Variants in PRIM2 observed in about 807,000 individuals in gnomAD.
The protein encoded by PRIM2 is DNA primase subunit 2, also known as DNA primase large subunit.
A neutral mutation model predicts 67.3 loss-of-function variants in PRIM2; 39 were observed. That is an observed-to-expected ratio of 0.58 (90% CI 0.45 to 0.76). The LOEUF (loss-of-function observed/expected upper bound fraction) is 0.76. Ranked by LOEUF, PRIM2 falls within the 30% of genes least tolerant of loss-of-function variation. PRIM2 has a pLI of 0.00. For synonymous variants in PRIM2, 143 were observed against 198.7 expected, an observed-to-expected ratio of 0.72 and a Z score of 2.36; for missense variants, 398 against 598.7, an observed-to-expected ratio of 0.66 and a Z score of 3.50.
At chr6:57,307,320 C>T in the PRIM2 span, among the ~76,000 whole-genome samples, 2 of 151,054 alleles carry the variant, frequency 1.3e-5, no homozygotes, top group South Asian at 2.1e-4. Context: ...GTGGCACAAT[C>T]TCGGCTCACT....
At chr6:57,586,246 G>A (rs1281602609) in intron 10 of PRIM2, among the ~76,000 whole-genome samples, 16 of 152,262 alleles carry the variant, frequency 1.1e-4, no homozygotes, top group Admixed American at 2.6e-4. Context: ...ATCATTGAGC[G>A]CTAGCCTGGA....
chr6:57,479,416 C>T (rs1207172523), intron 7 of PRIM2, among the ~76,000 whole-genome samples: 1 of 152,116 alleles, frequency 6.6e-6, no homozygotes, highest in African/African-American at 2.4e-5. Flanking sequence ...GGAAAAGTTA[C>T]AGGTACACTG....
chr6:57,425,030 T>C (rs140880429), intron 7 of PRIM2, among the ~76,000 whole-genome samples: 2 of 152,192 alleles, frequency 1.3e-5, no homozygotes, highest in African/African-American at 4.8e-5. Flanking sequence ...TATACACATA[T>C]ATTTTATCTT....
chr6:57,426,913 T>C (rs1371287900), intron 7 of PRIM2, among the ~76,000 whole-genome samples: 1 of 152,232 alleles, frequency 6.6e-6, no homozygotes, highest in Non-Finnish European at 1.5e-5. Flanking sequence ...AAAGCTATGA[T>C]AGAATCCTAT....
intron 12 of PRIM2, among the ~76,000 whole-genome samples, chr6:57,630,494 G>A (rs1163259954): frequency 4.6e-5 from 7 of 151,160 alleles, no homozygotes; most frequent in Admixed American, 1.3e-4. Context: ...TTTTTTACAC[G>A]TGTGGATTAC....
chr6:57,629,798 C>T, intron 12 of PRIM2, among the ~76,000 whole-genome samples: 1 of 151,544 alleles, frequency 6.6e-6, no homozygotes, highest in Non-Finnish European at 1.5e-5. Flanking sequence ...CCATTTTACT[C>T]AGAGAAAAAG....
At chr6:57,642,492 G>T (rs1188361688) in intron 13 of PRIM2, among the ~76,000 whole-genome samples, 2 of 126,370 alleles carry the variant, frequency 1.6e-5, no homozygotes, top group Non-Finnish European at 3.1e-5. Flanking sequence ...GCCCAGGCTG[G>T]AGTGCAGTGG....
At chr6:57,527,183 G>GA (rs1238845429) in intron 8 of PRIM2, among the ~76,000 whole-genome samples, 1 of 152,016 alleles carries the variant, frequency 6.6e-6, no homozygotes, top group Non-Finnish European at 1.5e-5. Flanking sequence ...TTATTATGAG[G>GA]AAAAAACCAT....
At chr6:57,323,176 T>C (rs1767718579) in intron 3 of PRIM2, among the ~76,000 whole-genome samples, 1 of 152,174 alleles carries the variant, frequency 6.6e-6, no homozygotes, top group African/African-American at 2.4e-5. Flanking sequence ...ATGTTTGTTC[T>C]TATTATTTTG....
intron 12 of PRIM2, among the ~76,000 whole-genome samples, chr6:57,624,444 T>C (rs1472025613): frequency 1.3e-3 from 197 of 152,334 alleles, no homozygotes; most frequent in Non-Finnish European, 1.8e-3. Context: ...CAATAGAGTA[T>C]GATAAGTGCT....
intron 10 of PRIM2, among the ~76,000 whole-genome samples, chr6:57,579,438 G>T (rs1383176964): frequency 1.2e-4 from 19 of 152,162 alleles, no homozygotes; most frequent in Admixed American, 8.5e-4. Flanking sequence ...AAAATTTTAT[G>T]TAATTTTGTT....
At chr6:57,480,302 C>G (rs1282428422) in intron 7 of PRIM2, among the ~76,000 whole-genome samples, 5 of 152,076 alleles carry the variant, frequency 3.3e-5, no homozygotes, top group East Asian at 1.9e-4. Context: ...TATCTTGAAA[C>G]AGTTTTACAT....
chr6:57,241,827 C>T, the PRIM2 span, among the ~76,000 whole-genome samples: 4 of 151,246 alleles, frequency 2.6e-5, no homozygotes, highest in African/African-American at 7.3e-5. Flanking sequence ...CGCCCGCCAC[C>T]ACGCCTGGCT....
intron 7 of PRIM2, among the ~76,000 whole-genome samples, chr6:57,492,405 TG>T (rs1334664055): frequency 6.6e-6 from 1 of 151,874 alleles, no homozygotes; most frequent in Non-Finnish European, 1.5e-5. Context: ...TAGCAGGGCA[TG>T]GTGGTGGGTA....
intron 7 of PRIM2, among the ~76,000 whole-genome samples, chr6:57,388,063 A>G (rs1374138564): frequency 6.6e-6 from 1 of 152,220 alleles, no homozygotes; most frequent in Non-Finnish European, 1.5e-5. Context: ...TAGCTAGAGC[A>G]TAGTGAGCTA....
chr6:57,382,328 A>C, intron 7 of PRIM2, 160 bp downstream of exon 7: 3 of 822,664 alleles, frequency 3.6e-6, no homozygotes, highest in Non-Finnish European at 5.1e-6. Context: ...CAAAATTCCT[A>C]GGTTTTTATT....
At chr6:57,445,114 T>G (rs191682085) in intron 7 of PRIM2, among the ~76,000 whole-genome samples, 10,257 of 152,322 alleles carry the variant, frequency 0.067, 469 homozygotes, top group South Asian at 0.11. Context: ...TGTCATGATA[T>G]ATATCTTTCT....
intron 5 of PRIM2, among the ~76,000 whole-genome samples, chr6:57,332,488 T>C (rs1235561486): frequency 6.6e-6 from 1 of 152,168 alleles, no homozygotes; most frequent in African/African-American, 2.4e-5. Context: ...TCAACTGTTA[T>C]TGTTTATTTA....
chr6:57,369,960 G>A (rs1229799468), intron 5 of PRIM2, among the ~76,000 whole-genome samples: 2 of 152,170 alleles, frequency 1.3e-5, no homozygotes, highest in Non-Finnish European at 2.9e-5. Context: ...TGTATGTTAG[G>A]CCTATTGTAC....
Sources: gnomAD v4.1 joint callset for allele counts (sites outside exome capture counted in the v4.1 genomes callset) on GRCh38, gnomAD v4.1.1 for gene constraint, MANE v1.5 for transcripts, NCBI Gene and HGNC (gene_info 2026-07-23, HGNC 2026-07-21) for gene names.